Variants in MAPT observed in about 807,000 individuals in gnomAD.
MAPT encodes microtubule-associated protein tau.
Under a neutral mutation model 67.9 loss-of-function variants are expected in MAPT, and 34 were observed. That is an observed-to-expected ratio of 0.50 (90% CI 0.38 to 0.67). The LOEUF is 0.67. Ranked by LOEUF, MAPT falls within the 30% of genes least tolerant of loss-of-function variation. The pLI, the probability that MAPT is intolerant of heterozygous loss-of-function variation, is 0.00. For synonymous variants in MAPT, 456 were observed against 464.5 expected, an observed-to-expected ratio of 0.98 and a Z score of 0.23; for missense variants, 881 against 1,115.2, an observed-to-expected ratio of 0.79 and a Z score of 2.99.
In MAPT at chr17:45,937,593, A is replaced by G. The variant is rs1253027612; in HGVS notation, c.-17-24728A>G. Among the ~76,000 whole-genome samples, 3 of 144,870 alleles carry G rather than the reference A, an allele frequency of 2.1e-5. No homozygotes were observed. In the East Asian group the frequency reaches 5.8e-4, roughly 28 times the overall value. ...GCAACAGAGCTGAGACCCTATCTCAAAAAAAGAAAAAAAAAAAGAAAGGAG... is the reference window on the plus strand; with the variant it reads ...GCAACAGAGCTGAGACCCTATCTCAGAAAAAGAAAAAAAAAAAGAAAGGAG... On this transcript the variant is annotated intron_variant, in intron 1 of 12. Transcript: ENST00000262410.
chr17:45,992,891 C>CA lies in MAPT; in HGVS notation c.1732+1324dup, dbSNP rs1187123182. ...GGATGACAAAAGTGAGATTCCTTCTCAAAAAAAAAAAAAAAAAAACAGTCG... is the reference window on the plus strand; with the variant it reads ...GGATGACAAAAGTGAGATTCCTTCTCAAAAAAAAAAAAAAAAAAAACAGTCG... On this transcript the variant is annotated intron_variant, in intron 8 of 12. Transcript: ENST00000262410. Among the ~76,000 whole-genome samples the CA allele has an allele frequency of 9.2e-3, 788 of 85,338 alleles. 7 individuals are homozygous for CA. The highest frequency in any genetic ancestry group is 0.023 in the East Asian group (38 of 1,620). 56.0% of individuals were successfully genotyped at this position (85,338 alleles called of 152,430 possible). A position where few individuals can be genotyped will look rare whatever the true frequency, so the allele number is the denominator to read the frequency against.
chr17:45,921,632 C>T (rs2065727044), intron 1 of MAPT, among the ~76,000 whole-genome samples: 1 of 152,200 alleles, frequency 6.6e-6, no homozygotes, highest in Non-Finnish European at 1.5e-5. Flanking sequence ...GCCAGATCAT[C>T]TTGACTTTTC....
At chr17:45,918,063 C>G (rs1215909648) in intron 1 of MAPT, among the ~76,000 whole-genome samples, 1 of 152,188 alleles carries the variant, frequency 6.6e-6, no homozygotes, top group South Asian at 2.1e-4. Flanking sequence ...CATGAGCCAC[C>G]ATGCCCAGCC....
At chr17:45,922,207 G>A (rs963035589) in intron 1 of MAPT, among the ~76,000 whole-genome samples, 21 of 152,034 alleles carry the variant, frequency 1.4e-4, no homozygotes, top group East Asian at 5.8e-4. Flanking sequence ...GAGACGGCCC[G>A]AAGTGCTAGG....
In MAPT at chr17:45,941,680, CT is replaced by C. The variant is rs2067930312; in HGVS notation, c.-17-20640del. 4.7e-4 allele frequency among the ~76,000 whole-genome samples: 22 copies of C among 47,278 alleles called. 1 individual carries two copies. The highest frequency in any genetic ancestry group is 1.4e-3 in the African/African-American group (16 of 11,354). The allele number at this position is 47,278 out of a possible 152,430, so 31.0% of individuals were successfully genotyped here. A position where few individuals can be genotyped will look rare whatever the true frequency, so the allele number is the denominator to read the frequency against. On this transcript the variant is annotated intron_variant, in intron 1 of 12. Coordinates refer to ENST00000262410, the MANE Select transcript of MAPT (RefSeq NM_001377265.1). Reference sequence around the variant, plus strand: ...CACCCTTCCCCCCTTCCCCCCTTCCCTCCTTCCTTCCTTCCTTCCTGCCTGC... The same window carrying C: ...CACCCTTCCCCCCTTCCCCCCTTCCCCCTTCCTTCCTTCCTTCCTGCCTGC...
chr17:45,934,628 T>C (rs2067154541), intron 1 of MAPT, among the ~76,000 whole-genome samples: 1 of 152,192 alleles, frequency 6.6e-6, no homozygotes, highest in African/African-American at 2.4e-5. Flanking sequence ...GATGCAGGCG[T>C]GGACTTGCGC....
Position 45,967,132 on chromosome 17 carries a change from A to G in MAPT, c.133+4662A>G, listed in dbSNP as rs114848904. 6.3e-3 allele frequency among the ~76,000 whole-genome samples: 956 copies of G among 152,364 alleles called. 9 individuals carry two copies. The highest frequency in any genetic ancestry group is 0.022 in the African/African-American group (907 of 41,578). On this transcript the variant is annotated intron_variant, in intron 2 of 12. Transcript: ENST00000262410. ...GTCTAAGTGGATGCTAAGAGTTGAA[A>G]TATGGCTGGATACCTGCCCAAGAGA... is the stretch of plus-strand genomic sequence containing the variant.
intron 1 of MAPT, among the ~76,000 whole-genome samples, chr17:45,945,897 A>T (rs1201703494): frequency 6.6e-6 from 1 of 152,212 alleles, no homozygotes; most frequent in African/African-American, 2.4e-5. Context: ...CTGGTGTAAT[A>T]TGGTGCCATG....
At position 45,915,381 on chromosome 17, in the gene MAPT, A is replaced by G. The variant is rs1167239373; in HGVS notation, c.-18+20695A>G. 6.9e-6 allele frequency among the ~76,000 whole-genome samples: 1 copy of G among 145,078 alleles called. No homozygotes were observed. The highest frequency in any genetic ancestry group is 1.5e-5 in the Non-Finnish European group (1 of 66,442). The stretch of plus-strand genomic sequence containing the variant: ...TGACGTGAGGTGTGTGTGGTGTGTG[A>G]GTTGTGTATGGTGTGTGCATGAGCA... On this transcript the variant is annotated intron_variant, in intron 1 of 12. Transcript: ENST00000262410. The surrounding 1 kb of genome is among the most constrained non-coding windows in gnomAD (Gnocchi z 4.4).
At chr17:45,988,186 T>C (rs1171841292) in intron 6 of MAPT, among the ~76,000 whole-genome samples, 1 of 152,192 alleles carries the variant, frequency 6.6e-6, no homozygotes, top group African/African-American at 2.4e-5. Flanking sequence ...CTCCCATTGC[T>C]ACTTCATCTC....
rs9468 is a variant in MAPT, at chr17:46,024,197, T to C, written c.*26T>C. The C allele has an allele frequency of 0.19, 302,996 of 1,596,984 alleles. 32,639 individuals are homozygous for C. The highest frequency in any genetic ancestry group is 0.22 in the Non-Finnish European group (259,259 of 1,165,158). On this transcript the variant is annotated 3_prime_UTR_variant, in exon 13 of 13. Transcript: ENST00000262410. The stretch of plus-strand genomic sequence containing the variant: ...TCAGGCCCCTGGGGCGGTCAATAAT[T>C]GTGGAGAGGAGAGAATGAGAGAGTG...
chr17:45,913,344 C>T (rs1325360010), intron 1 of MAPT, among the ~76,000 whole-genome samples: 2 of 152,206 alleles, frequency 1.3e-5, no homozygotes, highest in Non-Finnish European at 2.9e-5. Context: ...GACCTGCCCC[C>T]ATGATTCAGT....
At chr17:45,901,265 GC>G (rs2063593095) in intron 1 of MAPT, among the ~76,000 whole-genome samples, 3 of 152,196 alleles carry the variant, frequency 2.0e-5, no homozygotes, top group African/African-American at 7.2e-5. Context: ...AAACTGACCT[GC>G]CTTCCCGCCA....
chr17:45,983,841 CAAA>C lies in MAPT; in HGVS notation c.1264_1266del (p.Lys422del). ...CGGGGCCCCTCTTTGGGAGAGGACA[CAAA>C]AGAGGCTGACCTTCCAGAGCCCTCT... On this transcript the variant is annotated inframe_deletion, in exon 5 of 13. Coordinates refer to ENST00000262410, the MANE Select transcript of MAPT (RefSeq NM_001377265.1). 3 of 1,610,544 alleles carry C rather than the reference CAAA, an allele frequency of 1.9e-6. No individual in the cohort carries two copies. The highest frequency in any genetic ancestry group is 2.5e-6 in the Non-Finnish European group (3 of 1,179,238).
Position 45,996,092 on chromosome 17 carries a change from C to T in MAPT, c.1733-307C>T, listed in dbSNP as rs544706969. Among the ~76,000 whole-genome samples the T allele has an allele frequency of 6.6e-6, 1 of 152,290 alleles. No individual in the cohort carries two copies. The highest frequency in any genetic ancestry group is 2.1e-4 in the South Asian group (1 of 4,822). On this transcript the variant is annotated intron_variant, in intron 8 of 12. Coordinates refer to ENST00000262410, the MANE Select transcript of MAPT (RefSeq NM_001377265.1). This position sits in a 1 kb window ranked among gnomAD's most constrained non-coding sequence, Gnocchi z 4.5. ...TCTGAGGCCACACAGCTTGTTGGAG[C>T]CCATCTCTTGACCCAAAGACTGTGG...
rs547917377 is a variant in MAPT at position 45,937,936 on chromosome 17, C to A, written c.-17-24385C>A. Among the ~76,000 whole-genome samples, 9 of 152,184 alleles carry A rather than the reference C, an allele frequency of 5.9e-5. 1 individual carries two copies. On this transcript the variant is annotated intron_variant, in intron 1 of 12. Coordinates refer to ENST00000262410, the MANE Select transcript of MAPT (RefSeq NM_001377265.1). ...TGCAAGTGGGTGCTGCCATACCCACCTTACTGGGCAGGCTTGGGGGACCAA... is the reference window on the plus strand; with the variant it reads ...TGCAAGTGGGTGCTGCCATACCCACATTACTGGGCAGGCTTGGGGGACCAA...
chr17:45,961,942 T>C (rs2070471279), intron 1 of MAPT, among the ~76,000 whole-genome samples: 1 of 151,888 alleles, frequency 6.6e-6, no homozygotes, highest in Admixed American at 6.6e-5. Context: ...GCCTGGCTAA[T>C]TATTGTATTT....
intron 2 of MAPT, among the ~76,000 whole-genome samples, chr17:45,963,813 A>G (rs1306731945): frequency 6.6e-6 from 1 of 152,184 alleles, no homozygotes; most frequent in East Asian, 1.9e-4. Flanking sequence ...GGGAGTGGCC[A>G]TCCCAGCTTG....
intron 5 of MAPT, among the ~76,000 whole-genome samples, chr17:45,984,714 G>A (rs942827468): frequency 6.6e-6 from 1 of 152,226 alleles, no homozygotes; most frequent in Non-Finnish European, 1.5e-5. Context: ...ATTGGAGGGG[G>A]TTGAGCAGGG....
Sources: gnomAD v4.1 joint callset for allele counts (sites outside exome capture counted in the v4.1 genomes callset) on GRCh38, gnomAD v4.1.1 for gene constraint, Gnocchi (gnomAD v3.1) non-coding constraint, MANE v1.5 for transcripts, NCBI Gene and HGNC (gene_info 2026-07-23, HGNC 2026-07-21) for gene names.